The following ERC1 variants were observed in gnomAD, a reference collection of about 807,000 sequenced individuals.
ERC1 encodes the protein RAB6 interacting protein 2.
A neutral mutation model predicts 132.0 loss-of-function variants in ERC1; 56 were observed. The ratio of observed to expected loss-of-function variants is 0.42; its 90% CI spans 0.34 to 0.53. The LOEUF is 0.53. ERC1 is among the 20% of genes least tolerant of loss of function. ERC1 has a pLI of 0.03. For missense variants in ERC1, 1,202 were observed against 1,349.9 expected (o/e 0.89, Z 1.72); for synonymous variants, 478 against 476.1 (o/e 1.00, Z -0.05).
chr12:1,397,471 C>G (rs927716458), intron 16 of ERC1, among the ~76,000 whole-genome samples: 2 of 152,100 alleles, frequency 1.3e-5, no homozygotes, highest in Non-Finnish European at 2.9e-5. Context: ...GAATACTGTG[C>G]AGCTGTAGAA....
chr12:1,196,937 C>G (rs1455011057), intron 12 of ERC1, among the ~76,000 whole-genome samples: 6 of 41,598 alleles, frequency 1.4e-4, no homozygotes, highest in Non-Finnish European at 2.6e-4. Flanking sequence ...CACACACACA[C>G]ACACACACAC....
chr12:1,164,841 G>A (rs1952244821), intron 8 of ERC1, among the ~76,000 whole-genome samples: 1 of 152,130 alleles, frequency 6.6e-6, no homozygotes, highest in Non-Finnish European at 1.5e-5. Flanking sequence ...TTTTTGTGCG[G>A]TATGGCAATA....
intron 8 of ERC1, among the ~76,000 whole-genome samples, chr12:1,176,316 A>C (rs1953711479): frequency 6.6e-6 from 1 of 152,208 alleles, no homozygotes; most frequent in South Asian, 2.1e-4. Context: ...TTTGAAAGGA[A>C]TCTTTTTTTC....
intron 17 of ERC1, among the ~76,000 whole-genome samples, chr12:1,418,609 TTCTTTCTTTCTTTCTTTCTTTC>T (rs1565395500): frequency 9.1e-5 from 9 of 99,038 alleles, no homozygotes; most frequent in African/African-American, 5.3e-4. Context: ...CTTTCTTTCT[TTCTTTCTTTCTTTCTTTCTTTC>T]TTTCTTTCTT....
chr12:1,405,356 A>G (rs987254594), intron 16 of ERC1, among the ~76,000 whole-genome samples: 2 of 151,436 alleles, frequency 1.3e-5, no homozygotes, highest in African/African-American at 4.9e-5. Context: ...TGCTTACATT[A>G]TTAGGTGAAA....
intron 13 of ERC1, among the ~76,000 whole-genome samples, chr12:1,256,973 G>C (rs2076856076): frequency 6.6e-6 from 1 of 150,684 alleles, no homozygotes; most frequent in African/African-American, 2.5e-5. Context: ...TTGACTCCAA[G>C]TCATCCTTAC....
chr12:1,120,397 G>A (rs1324123540), intron 7 of ERC1, among the ~76,000 whole-genome samples: 3 of 152,164 alleles, frequency 2.0e-5, no homozygotes, highest in Admixed American at 2.0e-4. Flanking sequence ...GCTCTTCATA[G>A]TAATGGCATG....
chr12:1,171,264 T>C (rs1953027031), intron 8 of ERC1, among the ~76,000 whole-genome samples: 1 of 152,178 alleles, frequency 6.6e-6, no homozygotes, highest in East Asian at 1.9e-4. Context: ...GCTTAGAGTT[T>C]CTTATGGTTT....
At chr12:1,103,606 T>C (rs1042461948) in intron 3 of ERC1, among the ~76,000 whole-genome samples, 6 of 152,200 alleles carry the variant, frequency 3.9e-5, no homozygotes, top group Admixed American at 6.5e-5. Flanking sequence ...AAGCTAGAGC[T>C]AACTGGATTT....
intron 6 of ERC1, among the ~76,000 whole-genome samples, chr12:1,112,976 TAA>T (rs1418586747): frequency 1.3e-5 from 2 of 152,108 alleles, no homozygotes; most frequent in Non-Finnish European, 2.9e-5. Context: ...ATTTTCAGGG[TAA>T]AAAAATGGAT....
chr12:1,308,633 A>G (rs2081061792), intron 15 of ERC1, among the ~76,000 whole-genome samples: 1 of 152,238 alleles, frequency 6.6e-6, no homozygotes, highest in Non-Finnish European at 1.5e-5. Context: ...TCAAAAAATA[A>G]TAGACATATT....
chr12:1,011,700 A>G (rs982760683), intron 1 of ERC1, among the ~76,000 whole-genome samples: 3 of 152,164 alleles, frequency 2.0e-5, no homozygotes, highest in Non-Finnish European at 4.4e-5. Context: ...TTGGAAGGTC[A>G]AGTTGGGCGG....
chr12:994,191 C>G (rs1001709701), intron 1 of ERC1, among the ~76,000 whole-genome samples: 2 of 150,656 alleles, frequency 1.3e-5, no homozygotes, highest in African/African-American at 4.9e-5. Flanking sequence ...CATATTTCAT[C>G]AGAAACATTA....
At chr12:1,281,160 C>G (rs774238663) in intron 14 of ERC1, among the ~76,000 whole-genome samples, 6 of 152,094 alleles carry the variant, frequency 3.9e-5, no homozygotes, top group Non-Finnish European at 8.8e-5. Flanking sequence ...GGCTGAATCC[C>G]TACATGGTCT....
chr12:1,477,740 C>T (rs1016381321), intron 18 of ERC1, among the ~76,000 whole-genome samples: 5 of 152,122 alleles, frequency 3.3e-5, no homozygotes, highest in Admixed American at 1.3e-4. Context: ...TTACCAGTGC[C>T]GAAGCCCCTT....
At chr12:1,010,406 G>A (rs1193894102) in intron 1 of ERC1, among the ~76,000 whole-genome samples, 4 of 150,398 alleles carry the variant, frequency 2.7e-5, no homozygotes, top group South Asian at 2.1e-4. Flanking sequence ...GCTTGAACCC[G>A]GGAGGAGAGG....
intron 14 of ERC1, among the ~76,000 whole-genome samples, chr12:1,283,265 T>A (rs1384072008): frequency 6.6e-6 from 1 of 152,184 alleles, no homozygotes. Flanking sequence ...GGCCTGAGCT[T>A]TTCTGTGTTT....
chr12:1,027,704 A>C lies in ERC1; in HGVS notation c.-156-44A>C. 5.4e-6 allele frequency: 3 copies of C among 555,732 alleles called. No homozygotes were observed. In the South Asian group the frequency reaches 8.0e-5, roughly 15 times the overall value. The allele number at this position is 555,732 out of a possible 1,614,324, so 34.4% of individuals were successfully genotyped here. ...TAATGGAAAGTCTCTGAGAAGGGAA[A>C]TATTTATTATTGGAGGATTTAATGT... On this transcript the variant is annotated intron_variant, in intron 1 of 18. Transcript: ENST00000360905.
At chr12:1,485,229 G>A (rs1338574326) in intron 18 of ERC1, among the ~76,000 whole-genome samples, 1 of 108,112 alleles carries the variant, frequency 9.2e-6, no homozygotes, top group African/African-American at 4.0e-5. Flanking sequence ...TTTTGAGACA[G>A]AGTCTCGCTC....
Sources: allele counts gnomAD v4.1 joint callset (sites outside exome capture counted in the v4.1 genomes callset), GRCh38; gene constraint gnomAD v4.1.1; transcripts MANE v1.5; gene names NCBI Gene and HGNC (gene_info 2026-07-23, HGNC 2026-07-21).